The following WWOX variants were observed in gnomAD, a reference collection of about 807,000 sequenced individuals.
The protein encoded by WWOX is WW domain-containing oxidoreductase.
In WWOX, 69 loss-of-function variants were observed where a neutral mutation model predicts 46.2. That is an observed-to-expected ratio of 1.49 (90% CI 1.23 to 1.82). The LOEUF is 1.82. Ranked by LOEUF, WWOX falls within the 40% of genes most tolerant of loss-of-function variation. WWOX has a pLI of 0.00. For synonymous variants in WWOX, 359 were observed against 202.6 expected, an observed-to-expected ratio of 1.77 and a Z score of -6.56; for missense variants, 919 against 542.6, an observed-to-expected ratio of 1.69 and a Z score of -6.89.
intron 8 of WWOX, among the ~76,000 whole-genome samples, chr16:79,028,649 G>C (rs564728436): frequency 6.6e-6 from 1 of 151,248 alleles, no homozygotes; most frequent in Non-Finnish European, 1.5e-5. Flanking sequence ...GGGAAAAAAC[G>C]CTTCAGTGCG....
chr16:79,157,108 A>G (rs928083405), intron 8 of WWOX, among the ~76,000 whole-genome samples: 1 of 152,230 alleles, frequency 6.6e-6, no homozygotes, highest in Non-Finnish European at 1.5e-5. Flanking sequence ...AAACAGAGTA[A>G]TTCTGTAGAA....
At chr16:79,168,184 A>G (rs1199149806) in intron 8 of WWOX, among the ~76,000 whole-genome samples, 1 of 152,198 alleles carries the variant, frequency 6.6e-6, no homozygotes, top group Non-Finnish European at 1.5e-5. Context: ...TTGTGTTGCC[A>G]TAAACATTTG....
intron 8 of WWOX, among the ~76,000 whole-genome samples, chr16:78,661,917 A>G (rs1334099701): frequency 6.6e-6 from 1 of 152,172 alleles, no homozygotes; most frequent in Admixed American, 6.5e-5. Context: ...GGTGATATGC[A>G]TCTGTGGTCT....
intron 8 of WWOX, among the ~76,000 whole-genome samples, chr16:78,672,094 C>G (rs531159372): frequency 2.0e-5 from 3 of 152,324 alleles, no homozygotes; most frequent in African/African-American, 7.2e-5. Context: ...CTTCACAACT[C>G]TCCACTTTTG....
intron 8 of WWOX, among the ~76,000 whole-genome samples, chr16:78,540,984 GT>G (rs2043877792): frequency 6.6e-6 from 1 of 152,104 alleles, no homozygotes; most frequent in Non-Finnish European, 1.5e-5. Context: ...TGAGAATTAG[GT>G]CCCCCACTAT....
At chr16:79,136,698 G>C (rs866287022) in intron 8 of WWOX, among the ~76,000 whole-genome samples, 3 of 152,196 alleles carry the variant, frequency 2.0e-5, no homozygotes, top group African/African-American at 7.2e-5. Flanking sequence ...CTAGTTGCAT[G>C]ACCTGGGGCA....
At chr16:78,691,513 T>C (rs911480148) in intron 8 of WWOX, among the ~76,000 whole-genome samples, 1 of 151,940 alleles carries the variant, frequency 6.6e-6, no homozygotes, top group Non-Finnish European at 1.5e-5. Flanking sequence ...TCGAGACCAG[T>C]CTGGGCAACA....
chr16:78,832,809 G>A (rs2051868279), intron 8 of WWOX, among the ~76,000 whole-genome samples: 1 of 152,120 alleles, frequency 6.6e-6, no homozygotes. Flanking sequence ...CTTCTTCTGT[G>A]ATATTCATTA....
intron 8 of WWOX, among the ~76,000 whole-genome samples, chr16:79,091,250 C>T (rs1004648766): frequency 6.6e-6 from 1 of 152,122 alleles, no homozygotes; most frequent in African/African-American, 2.4e-5. Flanking sequence ...AAACAAAAAA[C>T]TAAGTAGTAG....
chr16:78,364,716 C>A (rs537744953), intron 5 of WWOX, among the ~76,000 whole-genome samples: 1 of 152,146 alleles, frequency 6.6e-6, no homozygotes, highest in South Asian at 2.1e-4. Flanking sequence ...AGTCTAAATC[C>A]CTGCCAGCAT....
intron 5 of WWOX, among the ~76,000 whole-genome samples, chr16:78,307,104 T>C (rs1427478561): frequency 6.6e-6 from 1 of 152,194 alleles, no homozygotes; most frequent in African/African-American, 2.4e-5. Context: ...TCACTGGGAT[T>C]TCTACACCGT....
chr16:78,843,870 C>T (rs1427405145), intron 8 of WWOX, among the ~76,000 whole-genome samples: 1 of 152,142 alleles, frequency 6.6e-6, no homozygotes, highest in African/African-American at 2.4e-5. Flanking sequence ...AATTTGTTTT[C>T]TCTGAAGCGC....
chr16:78,252,315 T>C (rs2038005157), intron 5 of WWOX, among the ~76,000 whole-genome samples: 1 of 152,240 alleles, frequency 6.6e-6, no homozygotes. Context: ...CATACATTGT[T>C]TTGTATATAT....
intron 8 of WWOX, among the ~76,000 whole-genome samples, chr16:78,961,802 G>T (rs1055541018): frequency 2.6e-5 from 4 of 152,144 alleles, no homozygotes; most frequent in African/African-American, 9.7e-5. Flanking sequence ...TAGTAGTCTT[G>T]CTGTCCTGAA....
At chr16:78,140,548 C>G (rs974868425) in intron 4 of WWOX, among the ~76,000 whole-genome samples, 1 of 152,050 alleles carries the variant, frequency 6.6e-6, no homozygotes, top group African/African-American at 2.4e-5. Context: ...CTTCTGGTAG[C>G]CCTAGATGTT....
At chr16:78,947,744 T>C (rs1445421882) in intron 8 of WWOX, among the ~76,000 whole-genome samples, 1 of 152,208 alleles carries the variant, frequency 6.6e-6, no homozygotes, top group African/African-American at 2.4e-5. Flanking sequence ...ACCTAGATGC[T>C]ATTTATAACC....
chr16:78,618,247 G>A (rs181632389), intron 8 of WWOX, among the ~76,000 whole-genome samples: 7 of 152,302 alleles, frequency 4.6e-5, no homozygotes, highest in South Asian at 2.1e-4. Flanking sequence ...AAGCACTGAC[G>A]CAGTTCTCAC....
chr16:78,918,855 G>A (rs1056227051), intron 8 of WWOX, among the ~76,000 whole-genome samples: 29 of 152,222 alleles, frequency 1.9e-4, no homozygotes, highest in Non-Finnish European at 2.8e-4. Context: ...ATGATCCGTC[G>A]TTCCAAATAT....
intron 8 of WWOX, among the ~76,000 whole-genome samples, chr16:78,812,019 G>C (rs1490660674): frequency 6.6e-6 from 1 of 151,864 alleles, no homozygotes; most frequent in Non-Finnish European, 1.5e-5. Flanking sequence ...TCAAAGCTGT[G>C]GTTCTTACCC....
Sources: gnomAD v4.1 joint callset for allele counts (sites outside exome capture counted in the v4.1 genomes callset) on GRCh38, gnomAD v4.1.1 for gene constraint, MANE v1.5 for transcripts, NCBI Gene and HGNC (gene_info 2026-07-23, HGNC 2026-07-21) for gene names.